Variants in C20orf203 observed in about 807,000 individuals in gnomAD.
C20orf203 encodes chromosome 20 open reading frame 203.
A neutral mutation model predicts 15.9 loss-of-function variants in C20orf203; 16 were observed. The observed-to-expected ratio is 1.01, with a 90% CI of 0.68 to 1.53. C20orf203 has a LOEUF of 1.53. Among genes scored for constraint, C20orf203 ranks in the 40% most tolerant of loss-of-function variants. C20orf203 has a pLI of 0.00. For synonymous variants in C20orf203, 98 were observed against 97.2 expected (o/e 1.01, Z -0.05); for missense variants, 263 against 247.5 (o/e 1.06, Z -0.42).
At chr20:32,654,714 T>C (rs1343546309) in intron 1 of C20orf203, among the ~76,000 whole-genome samples, 1 of 152,128 alleles carries the variant, frequency 6.6e-6, no homozygotes, top group Non-Finnish European at 1.5e-5. Flanking sequence ...TGTGGTGGCA[T>C]GTGCCTGTAG....
chr20:32,668,479 A>G (rs1227322526), intron 1 of C20orf203, among the ~76,000 whole-genome samples: 1 of 152,066 alleles, frequency 6.6e-6, no homozygotes, highest in Non-Finnish European at 1.5e-5. Context: ...TACAAAAATT[A>G]GCTGGGCGTG....
chr20:32,668,691 G>A (rs1983092864), intron 1 of C20orf203, among the ~76,000 whole-genome samples: 1 of 151,972 alleles, frequency 6.6e-6, no homozygotes, highest in Non-Finnish European at 1.5e-5. Flanking sequence ...GTGCATGCCT[G>A]TAATGCCTGT....
intron 4 of C20orf203, among the ~76,000 whole-genome samples, chr20:32,647,117 G>A (rs551770836): frequency 1.3e-5 from 2 of 152,280 alleles, no homozygotes; most frequent in African/African-American, 4.8e-5. Flanking sequence ...AACTAGGGCC[G>A]GGCGCAGTGG....
At chr20:32,673,352 C>G (rs1374764955) in intron 1 of C20orf203, among the ~76,000 whole-genome samples, 1 of 152,184 alleles carries the variant, frequency 6.6e-6, no homozygotes, top group Non-Finnish European at 1.5e-5. Context: ...TAGCCAACCA[C>G]AGAGAGAGCA....
chr20:32,670,530 A>C (rs1366000546), intron 1 of C20orf203, among the ~76,000 whole-genome samples: 1 of 151,690 alleles, frequency 6.6e-6, no homozygotes, highest in Non-Finnish European at 1.5e-5. Flanking sequence ...ATAAATAAAA[A>C]ATAAACAAAT....
At chr20:32,650,966 A>G (rs1482337109) in intron 3 of C20orf203, 52 bp downstream of exon 3, 1 of 1,442,974 alleles carries the variant, frequency 6.9e-7, no homozygotes, top group Non-Finnish European at 9.1e-7. Flanking sequence ...CTAATTTCCC[A>G]ACAGTCCCCA....
chr20:32,644,506 G>A (rs920742838), intron 4 of C20orf203, among the ~76,000 whole-genome samples: 10 of 152,024 alleles, frequency 6.6e-5, no homozygotes, highest in Non-Finnish European at 1.5e-4. Flanking sequence ...TTGCCAAAAA[G>A]AAGCCCTATG....
chr20:32,638,614 G>T (rs1982199167), intron 5 of C20orf203, among the ~76,000 whole-genome samples: 1 of 152,246 alleles, frequency 6.6e-6, no homozygotes, highest in Admixed American at 6.5e-5. Flanking sequence ...AGCCAGGCAG[G>T]AGCTGTGCTT....
chr20:32,637,243 T>C, intron 5 of C20orf203, among the ~76,000 whole-genome samples: 1 of 152,068 alleles, frequency 6.6e-6, no homozygotes. Flanking sequence ...TGAAACCCCA[T>C]CTCTACTAAA....
Position 32,638,720 on chromosome 20 carries a change from C to T in C20orf203, c.*1299+1846G>A, listed in dbSNP as rs1486166325. ...TTCTCAGCAAAGCTGTCCTTGCTTC[C>T]TCTTCTCTCCTGAAAAATGGCCACA... On this transcript the variant is annotated intron_variant, in intron 5 of 5. Coordinates refer to ENST00000608990, the MANE Select transcript of C20orf203 (RefSeq NM_182584.4). Among the ~76,000 whole-genome samples the T allele has an allele frequency of 2.0e-5, 3 of 152,380 alleles. No individual in the cohort carries two copies. In the East Asian group the frequency reaches 5.8e-4, roughly 29 times the overall value.
intron 1 of C20orf203, among the ~76,000 whole-genome samples, chr20:32,668,135 A>G (rs1983078087): frequency 1.3e-5 from 2 of 152,178 alleles, no homozygotes; most frequent in South Asian, 4.1e-4. Context: ...AGCATTAATC[A>G]TCTGTATCTC....
At chr20:32,664,797 G>T (rs543799832) in intron 1 of C20orf203, among the ~76,000 whole-genome samples, 1 of 152,360 alleles carries the variant, frequency 6.6e-6, no homozygotes, top group Admixed American at 6.5e-5. Context: ...GGCGTTGGGT[G>T]CCTGAGCACC....
At chr20:32,636,321 CTCTT>C (rs1287473791) in intron 5 of C20orf203, among the ~76,000 whole-genome samples, 6 of 152,210 alleles carry the variant, frequency 3.9e-5, no homozygotes, top group African/African-American at 7.2e-5. Flanking sequence ...TTTTCTCTCT[CTCTT>C]TGTCTTGCTG....
chr20:32,641,100 C>T (rs1253421655), intron 4 of C20orf203, among the ~76,000 whole-genome samples: 1 of 152,126 alleles, frequency 6.6e-6, no homozygotes, highest in East Asian at 1.9e-4. Context: ...GGTCGGATTG[C>T]TTGAGGCCAG....
intron 4 of C20orf203, among the ~76,000 whole-genome samples, chr20:32,648,701 C>G (rs1028188072): frequency 4.0e-5 from 6 of 151,766 alleles, no homozygotes; most frequent in African/African-American, 7.3e-5. Context: ...ATCCGCCTGC[C>G]TCGGCCTCTC....
intron 4 of C20orf203, among the ~76,000 whole-genome samples, chr20:32,648,545 A>T (rs1182319597): frequency 2.2e-5 from 3 of 137,048 alleles, no homozygotes; most frequent in Non-Finnish European, 4.5e-5. Context: ...GGTTCACGCC[A>T]TTCTTCTGCC....
intron 1 of C20orf203, among the ~76,000 whole-genome samples, chr20:32,668,918 G>A (rs2145683436): frequency 6.6e-6 from 1 of 152,298 alleles, no homozygotes; most frequent in South Asian, 2.1e-4. Context: ...CATTGACCAT[G>A]TTCTTGCCAT....
intron 5 of C20orf203, among the ~76,000 whole-genome samples, chr20:32,637,975 CGT>C (rs760329837): frequency 6.7e-6 from 1 of 149,082 alleles, no homozygotes; most frequent in East Asian, 1.9e-4. Flanking sequence ...TGTGTCTGTG[CGT>C]GTGTGTGCAT....
intron 5 of C20orf203, 125 bp from the exon 6 acceptor site, chr20:32,634,395 A>C (rs1982082584): frequency 2.5e-6 from 1 of 394,742 alleles, no homozygotes; most frequent in Admixed American, 4.4e-5. Flanking sequence ...TGTTCCTTAC[A>C]GCTGGGTCCA....
Sources: allele counts gnomAD v4.1 joint callset (sites outside exome capture counted in the v4.1 genomes callset), GRCh38; gene constraint gnomAD v4.1.1; transcripts MANE v1.5; gene names NCBI Gene and HGNC (gene_info 2026-07-23, HGNC 2026-07-21).